PDE4D: variants seen among roughly 807,000 people sequenced by gnomAD.
PDE4D encodes the protein 3',5'-cyclic-AMP phosphodiesterase 4D.
Under a neutral mutation model 87.4 loss-of-function variants are expected in PDE4D, and 24 were observed. That is an observed-to-expected ratio of 0.27 (90% CI 0.20 to 0.39). The LOEUF (loss-of-function observed/expected upper bound fraction) is 0.39, where lower values mean the gene tolerates loss of function less well. Among genes scored for constraint, PDE4D ranks in the 10% least tolerant of loss-of-function variants. The pLI is 1.00. For synonymous variants in PDE4D, 384 were observed against 383.2 expected, an observed-to-expected ratio of 1.00 and a Z score of -0.02; for missense variants, 714 against 1,041.0, an observed-to-expected ratio of 0.69 and a Z score of 4.32.
chr5:59,119,191 TA>T (rs1411287530), intron 5 of PDE4D, among the ~76,000 whole-genome samples: 3 of 152,240 alleles, frequency 2.0e-5, no homozygotes, highest in Non-Finnish European at 4.4e-5. Context: ...AATTTCTCTT[TA>T]AATTGCCAAA....
rs58018730 is a variant in PDE4D, at chr5:59,949,094, A to ATGTGTGTG, written c.272+39386_272+39393dup. Among the ~76,000 whole-genome samples the ATGTGTGTG allele has an allele frequency of 8.9e-3, 1,359 of 152,230 alleles. 19 individuals carry two copies. The highest frequency in any genetic ancestry group is 0.031 in the African/African-American group (1,280 of 41,542). On this transcript the variant is annotated intron_variant, in intron 3 of 16. Coordinates refer to the PDE4D transcript ENST00000502484. ...GTGTCAGAATGATGTATATGTGTGC[A>ATGTGTGTG]TGTGTGTGTGTGCGCATGCACATTT... is the stretch of plus-strand genomic sequence containing the variant.
rs931261517 is a variant in PDE4D, at chr5:59,210,250, T to C, written c.647+5527A>G. ...TAGAACCTTTGTAATGCAACGTGTC[T>C]TTTTATTTATATTCTTCCTAGTGAG... On this transcript the variant is annotated intron_variant, in intron 2 of 14. Coordinates refer to ENST00000340635, the MANE Select transcript of PDE4D (RefSeq NM_001104631.2). 3.9e-5 allele frequency among the ~76,000 whole-genome samples: 6 copies of C among 152,272 alleles called. No individual in the cohort carries two copies. In the East Asian group the frequency reaches 1.2e-3, roughly 29 times the overall value.
At chr5:59,326,867 C>T (rs1385021215) in intron 1 of PDE4D, among the ~76,000 whole-genome samples, 3 of 152,084 alleles carry the variant, frequency 2.0e-5, no homozygotes, top group Non-Finnish European at 4.4e-5. Flanking sequence ...TTCCAATTCG[C>T]ATATATTTAA....
chr5:59,923,073 AC>A (rs1278128573), intron 3 of PDE4D, among the ~76,000 whole-genome samples: 2 of 152,158 alleles, frequency 1.3e-5, no homozygotes, highest in East Asian at 3.9e-4. Flanking sequence ...GCCAGGCAGC[AC>A]TTGCCATAGG....
chr5:59,819,010 C>T lies in PDE4D; in HGVS notation c.455+74158G>A, dbSNP rs546379673. On this transcript the variant is annotated intron_variant, in intron 1 of 14. Coordinates refer to ENST00000340635, the MANE Select transcript of PDE4D (RefSeq NM_001104631.2). The stretch of plus-strand genomic sequence containing the variant: ...GTTGACACAAGCAATCAAAATGGAC[C>T]TGGAGAAGGGGATTATATGGGCTGA... Among the ~76,000 whole-genome samples, 11 of 152,178 alleles carry T rather than the reference C, an allele frequency of 7.2e-5. No individual in the cohort carries two copies. In the South Asian group the frequency reaches 1.0e-3, roughly 14 times the overall value.
chr5:58,977,485 G>C, intron 11 of PDE4D, 140 bp from the exon 12 acceptor site: 1 of 702,002 alleles, frequency 1.4e-6, no homozygotes, highest in East Asian at 2.7e-5. Flanking sequence ...ATCCAGGAGA[G>C]AATAAATCAG....
intron 1 of PDE4D, among the ~76,000 whole-genome samples, chr5:59,429,023 T>G (rs935913232): frequency 6.6e-6 from 1 of 152,188 alleles, no homozygotes; most frequent in African/African-American, 2.4e-5. Flanking sequence ...GGTATATGTC[T>G]GAAATTTTCT....
At chr5:59,922,263 C>T (rs566283600) in intron 3 of PDE4D, among the ~76,000 whole-genome samples, 4 of 152,158 alleles carry the variant, frequency 2.6e-5, no homozygotes, top group Non-Finnish European at 5.9e-5. Context: ...TAAACTTGAA[C>T]GACAGTCTAA....
intron 1 of PDE4D, among the ~76,000 whole-genome samples, chr5:59,433,949 C>A (rs1284942354): frequency 6.6e-6 from 1 of 151,960 alleles, no homozygotes; most frequent in Admixed American, 6.6e-5. Context: ...AATTAAGGTT[C>A]TTTCAGCCTT....
chr5:59,993,592 G>A (rs1296301991), intron 2 of PDE4D, among the ~76,000 whole-genome samples: 1 of 152,090 alleles, frequency 6.6e-6, no homozygotes, highest in Non-Finnish European at 1.5e-5. Context: ...TAAAACAATT[G>A]TTTAAGGATG....
At chr5:60,222,402 C>T (rs1300744473) in intron 1 of PDE4D, among the ~76,000 whole-genome samples, 1 of 152,082 alleles carries the variant, frequency 6.6e-6, no homozygotes, top group Non-Finnish European at 1.5e-5. Flanking sequence ...CCACCTAAAC[C>T]CTCATCTGAA....
In PDE4D at chr5:60,371,179, C is replaced by T. The variant is rs118074576; in HGVS notation, c.-90+116763G>A. Among the ~76,000 whole-genome samples the T allele has an allele frequency of 7.9e-5, 12 of 152,308 alleles. No homozygotes were observed. The East Asian group carries it at 2.3e-3, about 29-fold the overall frequency. On this transcript the variant is annotated intron_variant, in intron 1 of 16. Transcript: ENST00000502484. ...TCTACTCTGTATCCACCTTAAACAA[C>T]CAACTCCTTCCCAGGTTGCACTACG... is the stretch of plus-strand genomic sequence containing the variant.
At chr5:60,413,711 G>A (rs1021351592) in intron 1 of PDE4D, among the ~76,000 whole-genome samples, 25 of 122,324 alleles carry the variant, frequency 2.0e-4, no homozygotes, top group Admixed American at 9.2e-4. Context: ...TTCTTTTTTC[G>A]TTTATTTTTT....
intron 2 of PDE4D, chr5:60,033,094 C>A (rs907504454): frequency 5.9e-5 from 9 of 152,106 alleles, no homozygotes; most frequent in Non-Finnish European, 1.3e-4. Flanking sequence ...GCCCCCGCCA[C>A]CCCAATATAC....
chr5:60,424,077 G>A (rs185431274), intron 1 of PDE4D, among the ~76,000 whole-genome samples: 46 of 152,332 alleles, frequency 3.0e-4, no homozygotes, highest in Non-Finnish European at 1.8e-4. Context: ...TCCAGGACCC[G>A]ATGGATTCAC....
At chr5:59,228,996 CTT>C (rs879691247) in intron 1 of PDE4D, among the ~76,000 whole-genome samples, 6 of 145,666 alleles carry the variant, frequency 4.1e-5, no homozygotes, top group Non-Finnish European at 3.0e-5. Context: ...ACCTCCTAAC[CTT>C]TTTTTTTTTT....
At chr5:59,601,802 G>A (rs528927489) in intron 1 of PDE4D, among the ~76,000 whole-genome samples, 1 of 152,152 alleles carries the variant, frequency 6.6e-6, no homozygotes, top group South Asian at 2.1e-4. Context: ...AGCCCCAAGT[G>A]TAAACTAGCT....
chr5:59,567,561 T>G (rs1181929873), intron 1 of PDE4D, among the ~76,000 whole-genome samples: 3 of 152,216 alleles, frequency 2.0e-5, no homozygotes, highest in Middle Eastern at 3.2e-3. Context: ...TCAATTTTTA[T>G]GTACAGAAAA....
rs188953153 is a variant in PDE4D at position 60,464,042 on chromosome 5, C to T, written c.-90+23900G>A. 1.2e-3 allele frequency among the ~76,000 whole-genome samples: 184 copies of T among 152,184 alleles called. 1 individual carries two copies. The highest frequency in any genetic ancestry group is 4.4e-3 in the African/African-American group (182 of 41,520). On this transcript the variant is annotated intron_variant, in intron 1 of 16. Transcript: ENST00000502484. ...CCTTCTTTCTCTCTCTCCCCCTCCC[C>T]ATCCCACACACACTCATACAATGAT...
Sources: gnomAD v4.1 joint callset for allele counts (sites outside exome capture counted in the v4.1 genomes callset) on GRCh38, gnomAD v4.1.1 for gene constraint, MANE v1.5 for transcripts, NCBI Gene and HGNC (gene_info 2026-07-23, HGNC 2026-07-21) for gene names.